The following EGLN3 variants were observed in gnomAD, a reference collection of about 807,000 sequenced individuals.
The protein encoded by EGLN3 is egl-9 family hypoxia inducible factor 3.
EGLN3 carries 15 observed loss-of-function variants against 26.0 expected under a neutral mutation model. The ratio of observed to expected loss-of-function variants is 0.58; its 90% CI spans 0.39 to 0.89. The LOEUF is 0.89. Among genes scored for constraint, EGLN3 ranks in the 40% least tolerant of loss-of-function variants. The pLI is 0.00. For synonymous variants in EGLN3, 147 were observed against 127.2 expected (o/e 1.16, Z -1.05); for missense variants, 238 against 311.6 (o/e 0.76, Z 1.78).
Position 33,929,084 on chromosome 14 carries a change from G to T in EGLN3, c.606C>A (p.Tyr202Ter). The part of the protein sequence containing the change: ...RRNPHEVQPS[Y>*]ATRYAMTVWY... ...ATGGCTCCGGCTATTACCTGGTTGC[G>T]TAAGAGGGCTGCACTTCGTGTGGGT... is the stretch of plus-strand genomic sequence containing the variant. The change falls in exon 3 of 5, where the codon TAC (tyrosine) becomes TAA (stop). Residue 202 changes from tyrosine to a stop codon, truncating the protein, a stop_gained. Transcript: ENST00000250457. LOFTEE classifies it high-confidence loss of function. The T allele has an allele frequency of 1.9e-6, 3 of 1,613,758 alleles. No homozygotes were observed. The South Asian group carries it at 3.3e-5, about 18-fold the overall frequency.
Position 33,934,594 on chromosome 14 carries a change from A to G in EGLN3, c.358-3379T>C, listed in dbSNP as rs546112935. ...CATCAACCGCAGCTTGACTGCATGT[A>G]AAAACCATTTCAAAAACTTGGCATC... On this transcript the variant is annotated intron_variant, in intron 1 of 4. Transcript: ENST00000250457. 2.6e-5 allele frequency among the ~76,000 whole-genome samples: 4 copies of G among 152,326 alleles called. No individual in the cohort carries two copies. The East Asian group carries it at 5.8e-4, about 22-fold the overall frequency.
chr14:33,936,143 T>C (rs1158971948), intron 1 of EGLN3, among the ~76,000 whole-genome samples: 2 of 151,982 alleles, frequency 1.3e-5, no homozygotes, highest in African/African-American at 4.8e-5. Context: ...AGGAGGAGAA[T>C]TGCTTGAACC....
At chr14:33,931,441 C>T in intron 1 of EGLN3, 1 of 549,946 alleles carries the variant, frequency 1.8e-6, no homozygotes, top group South Asian at 2.5e-5. Flanking sequence ...CAACAATATT[C>T]CCACAGTTCT....
intron 3 of EGLN3, among the ~76,000 whole-genome samples, chr14:33,928,534 A>G (rs1422597088): frequency 6.6e-6 from 1 of 152,228 alleles, no homozygotes; most frequent in African/African-American, 2.4e-5. Flanking sequence ...CATGATAAAG[A>G]AAAGATTAAT....
intron 3 of EGLN3, among the ~76,000 whole-genome samples, chr14:33,927,699 C>A (rs1257506933): frequency 6.6e-6 from 1 of 152,144 alleles, no homozygotes; most frequent in Non-Finnish European, 1.5e-5. Flanking sequence ...GGGAGTCATT[C>A]TGCTAAAGAC....
In EGLN3 at chr14:33,939,435, C is replaced by T. The variant is rs866093586; in HGVS notation, c.358-8220G>A. Reference sequence around the variant, plus strand: ...CTTTGTTAGCCAGGATGGTCTCTATCTCCTGACCTCGTGATCCACCCGCCT... The same window carrying T: ...CTTTGTTAGCCAGGATGGTCTCTATTTCCTGACCTCGTGATCCACCCGCCT... On this transcript the variant is annotated intron_variant, in intron 1 of 4. Coordinates refer to ENST00000250457, the MANE Select transcript of EGLN3 (RefSeq NM_022073.4). Among the ~76,000 whole-genome samples the T allele has an allele frequency of 2.8e-4, 43 of 152,274 alleles. 1 individual carries two copies. The highest frequency in any genetic ancestry group is 3.4e-3 in the Middle Eastern group (1 of 294).
At chr14:33,944,186 ATC>A (rs2064502123) in intron 1 of EGLN3, among the ~76,000 whole-genome samples, 1 of 151,884 alleles carries the variant, frequency 6.6e-6, no homozygotes, top group Admixed American at 6.6e-5. Flanking sequence ...CAATGGTGCA[ATC>A]TCGGCTCACT....
Position 33,925,153 on chromosome 14 carries a change from T to A in EGLN3, c.*738A>T, listed in dbSNP as rs901303757. ...AACAAAGCAACCAAAACAACTAATG[T>A]CTAGTTTTTTAGCTTCTGGGGAATT... On this transcript the variant is annotated 3_prime_UTR_variant, in exon 5 of 5. Coordinates refer to ENST00000250457, the MANE Select transcript of EGLN3 (RefSeq NM_022073.4). The A allele has an allele frequency of 1.6e-4, 25 of 152,188 alleles. No individual in the cohort carries two copies. The highest frequency in any genetic ancestry group is 5.8e-4 in the African/African-American group (24 of 41,488). 9.4% of individuals were successfully genotyped at this position (152,188 alleles called of 1,614,324 possible). A position where few individuals can be genotyped will look rare whatever the true frequency, so the allele number is the denominator to read the frequency against.
intron 1 of EGLN3, among the ~76,000 whole-genome samples, chr14:33,935,857 G>A: frequency 6.6e-6 from 1 of 152,072 alleles, no homozygotes; most frequent in East Asian, 1.9e-4. Context: ...ACCCAGTACA[G>A]AGCAACAGAG....
In EGLN3 at chr14:33,931,132, G is replaced by T. The variant is rs979208385; in HGVS notation, c.441C>A (p.Thr147=). The T allele has an allele frequency of 1.2e-6, 2 of 1,614,054 alleles. No homozygotes were observed. Among genetic ancestry groups the T allele is most frequent in the African/African-American group, 1.3e-5 (1 of 74,920 alleles). ...AATTCTTGTTCAGATAGTAGATGCA[G>T]GTGATGCAGCGACCATCACCGTTGG... The part of the protein sequence containing the change: ...DNPNGDGRCI[T]CIYYLNKNWD... The change falls in exon 2 of 5, where the codon ACC becomes ACA. Residue 147 remains threonine (T), a synonymous_variant. Transcript: ENST00000250457.
chr14:33,927,394 C>T (rs1750136895), intron 3 of EGLN3, among the ~76,000 whole-genome samples: 1 of 152,132 alleles, frequency 6.6e-6, no homozygotes, highest in South Asian at 2.1e-4. Flanking sequence ...GTCTCGATCT[C>T]TTGACCTGCC....
At chr14:33,926,665 CA>C (rs1782553312) in intron 4 of EGLN3, among the ~76,000 whole-genome samples, 1 of 152,042 alleles carries the variant, frequency 6.6e-6, no homozygotes, top group Non-Finnish European at 1.5e-5. Flanking sequence ...AAATCATGGG[CA>C]AAATTTAATG....
intron 1 of EGLN3, chr14:33,948,393 G>A (rs2064532354): frequency 6.6e-6 from 1 of 152,178 alleles, no homozygotes; most frequent in South Asian, 2.1e-4. Context: ...TAATTGGCCA[G>A]GGAATATTCC....
rs755599740 is a variant in EGLN3 at position 33,925,903 on chromosome 14, G to A, written c.708C>T (p.Leu236=). Residue 236 remains leucine, a synonymous_variant, in exon 5 of 5, where the codon CTC becomes CTT. Transcript: ENST00000250457. ...TTTCAGAGCACGGTCAGTCTTCAGT[G>A]AGGGCAGATTCAGTTTTCCCTGGGT... ...RNLTRKTESA[L]TED 3 of 1,613,178 alleles carry A rather than the reference G, an allele frequency of 1.9e-6. No individual in the cohort carries two copies. Among genetic ancestry groups the A allele is most frequent in the African/African-American group, 2.7e-5 (2 of 74,732 alleles).
rs747916052 is a variant in EGLN3, at chr14:33,950,416, A to G, written c.337T>C (p.Tyr113His). 3 of 1,613,166 alleles carry G rather than the reference A, an allele frequency of 1.9e-6. No individual in the cohort carries two copies. Among genetic ancestry groups the G allele is most frequent in the Admixed American group, 3.3e-5 (2 of 60,022 alleles). The change falls in exon 1 of 5, where the codon TAC (tyrosine) becomes CAC (histidine). Residue 113 changes from tyrosine to histidine, a missense_variant. Coordinates refer to ENST00000250457, the MANE Select transcript of EGLN3 (RefSeq NM_022073.4). The part of the protein sequence containing the change: ...LYCGSRLGKY[Y>H]VKERSKAMVA... ...CCTACCTTAGACCTCTCCTTGACGT[A>G]GTATTTGCCCAGCCGGCTCCCGCAG...
Position 33,924,865 on chromosome 14 carries a change from T to C in EGLN3, c.*1026A>G, listed in dbSNP as rs997068399. 6.6e-6 allele frequency: 1 copy of C among 151,372 alleles called. No homozygotes were observed. Among genetic ancestry groups the C allele is most frequent in the African/African-American group, 2.4e-5 (1 of 41,204 alleles). 9.4% of individuals were successfully genotyped at this position (151,372 alleles called of 1,614,324 possible). On this transcript the variant is annotated 3_prime_UTR_variant, in exon 5 of 5. Transcript: ENST00000250457. ...AACTCAAATAGCTTTGAGATTTTTTTATTTCCACTTCCTTTTTTAAAATAC... is the reference window on the plus strand; with the variant it reads ...AACTCAAATAGCTTTGAGATTTTTTCATTTCCACTTCCTTTTTTAAAATAC...
chr14:33,930,222 C>T (rs896645979), intron 2 of EGLN3, among the ~76,000 whole-genome samples: 14 of 152,166 alleles, frequency 9.2e-5, no homozygotes, highest in Admixed American at 2.0e-4. Flanking sequence ...ACTTTATTCT[C>T]TTGTCTCTAT....
chr14:33,950,316 G>C, intron 1 of EGLN3, 80 bp downstream of exon 1: 1 of 1,340,976 alleles, frequency 7.5e-7, no homozygotes, highest in East Asian at 2.3e-5. Context: ...TTACGGCCCT[G>C]GGAAGTCGAC....
Position 33,950,796 on chromosome 14 carries a change from G to C in EGLN3, c.-44C>G, listed in dbSNP as rs755692956. The stretch of plus-strand genomic sequence containing the variant: ...GTCCGGGATCCCCAGCGTGCAACCA[G>C]AGAGGGAACGATCTACACGAGCGCG... On this transcript the variant is annotated 5_prime_UTR_variant, in exon 1 of 5. Transcript: ENST00000250457. 2.1e-6 allele frequency: 3 copies of C among 1,439,146 alleles called. No homozygotes were observed. Among genetic ancestry groups the C allele is most frequent in the East Asian group, 2.5e-5 (1 of 40,108 alleles). 89.1% of individuals were successfully genotyped at this position (1,439,146 alleles called of 1,614,324 possible).
Sources: allele counts gnomAD v4.1 joint callset (sites outside exome capture counted in the v4.1 genomes callset), GRCh38; gene constraint gnomAD v4.1.1; transcripts MANE v1.5; gene names NCBI Gene and HGNC (gene_info 2026-07-23, HGNC 2026-07-21).